The following DLG2 variants were observed in gnomAD, a reference collection of about 807,000 sequenced individuals.
The protein encoded by DLG2 is disks large homolog 2.
DLG2 carries 45 observed loss-of-function variants against 132.5 expected under a neutral mutation model. The ratio of observed to expected loss-of-function variants is 0.34; its 90% confidence interval spans 0.27 to 0.44. The LOEUF is 0.44. Ranked by LOEUF, DLG2 falls within the 20% of genes least tolerant of loss-of-function variation. The pLI, the probability that DLG2 is intolerant of heterozygous loss-of-function variation, is 1.00. For missense variants in DLG2, 1,045 were observed against 1,196.9 expected, an observed-to-expected ratio of 0.87 and a Z score of 1.87; for synonymous variants, 424 against 419.6, an observed-to-expected ratio of 1.01 and a Z score of -0.13.
chr11:85,315,552 T>G (rs1338947731), intron 3 of DLG2, among the ~76,000 whole-genome samples: 2 of 151,988 alleles, frequency 1.3e-5, no homozygotes, highest in Non-Finnish European at 2.9e-5. Context: ...TTGCTGTGCA[T>G]GCATCACACT....
chr11:84,890,284 T>G (rs1273700799), intron 6 of DLG2, among the ~76,000 whole-genome samples: 1 of 152,160 alleles, frequency 6.6e-6, no homozygotes, highest in Non-Finnish European at 1.5e-5. Context: ...GTTAGTTCCC[T>G]TCTCTTGTGC....
chr11:84,988,672 G>C (rs981049198), intron 6 of DLG2, among the ~76,000 whole-genome samples: 1 of 152,154 alleles, frequency 6.6e-6, no homozygotes, highest in Admixed American at 6.6e-5. Context: ...TAAGCTATGA[G>C]GATGCAAAGG....
At chr11:84,116,357 A>G (rs2093633055) in intron 9 of DLG2, among the ~76,000 whole-genome samples, 1 of 152,234 alleles carries the variant, frequency 6.6e-6, no homozygotes. Flanking sequence ...ATGTTTTGTT[A>G]GTCCATTCTC....
intron 8 of DLG2, among the ~76,000 whole-genome samples, chr11:84,207,762 TAAAAGA>T (rs1208805541): frequency 6.6e-6 from 1 of 152,130 alleles, no homozygotes; most frequent in Non-Finnish European, 1.5e-5. Context: ...TCACTAACCA[TAAAAGA>T]AAATTTTATA....
chr11:85,112,300 C>T (rs1349225387), intron 5 of DLG2, among the ~76,000 whole-genome samples: 2 of 152,080 alleles, frequency 1.3e-5, no homozygotes, highest in African/African-American at 4.8e-5. Flanking sequence ...ATTTGACATT[C>T]TAAACCATTT....
chr11:83,852,597 A>G (rs1472372872), intron 16 of DLG2, among the ~76,000 whole-genome samples: 11 of 152,266 alleles, frequency 7.2e-5, no homozygotes, highest in Admixed American at 7.2e-4. Flanking sequence ...CAAACATCTT[A>G]CTAACCTTTA....
intron 7 of DLG2, among the ~76,000 whole-genome samples, chr11:84,377,471 G>A (rs1163579159): frequency 6.6e-6 from 1 of 151,832 alleles, no homozygotes; most frequent in Non-Finnish European, 1.5e-5. Context: ...TTAGATAATA[G>A]TAAAGACAAA....
At chr11:84,362,946 T>C (rs1489149603) in intron 7 of DLG2, among the ~76,000 whole-genome samples, 3 of 152,214 alleles carry the variant, frequency 2.0e-5, no homozygotes, top group East Asian at 1.9e-4. Flanking sequence ...TCTTTGCTAT[T>C]GTGAATAGTG....
chr11:83,541,542 AC>A (rs1334580306), intron 20 of DLG2, 139 bp downstream of exon 20: 14 of 777,546 alleles, frequency 1.8e-5, no homozygotes, highest in Non-Finnish European at 2.5e-5. Flanking sequence ...ACCTGTCACC[AC>A]TGACAATTTT....
chr11:83,695,377 T>A (rs11820299), intron 18 of DLG2, among the ~76,000 whole-genome samples: 7,692 of 152,128 alleles, frequency 0.051, 651 homozygotes, highest in African/African-American at 0.17. Context: ...ATATATGAGG[T>A]GCTTAGCGAT....
intron 7 of DLG2, among the ~76,000 whole-genome samples, chr11:84,297,317 A>G (rs1460511749): frequency 2.0e-5 from 3 of 152,170 alleles, no homozygotes; most frequent in Non-Finnish European, 2.9e-5. Context: ...AAGGAGTGTG[A>G]ACATTGGAGT....
At chr11:83,498,739 A>G (rs1459931121) in intron 21 of DLG2, among the ~76,000 whole-genome samples, 1 of 150,446 alleles carries the variant, frequency 6.6e-6, no homozygotes, top group Non-Finnish European at 1.5e-5. Context: ...TTAAAAATTG[A>G]GAAAAATTAA....
intron 7 of DLG2, among the ~76,000 whole-genome samples, chr11:84,518,328 A>G (rs1020988300): frequency 5.3e-5 from 8 of 152,068 alleles, no homozygotes; most frequent in Admixed American, 1.3e-4. Flanking sequence ...TTGACAGAGA[A>G]ACTAAAAAAG....
intron 15 of DLG2, among the ~76,000 whole-genome samples, chr11:83,921,317 T>A (rs989614502): frequency 6.6e-6 from 1 of 152,120 alleles, no homozygotes; most frequent in African/African-American, 2.4e-5. Flanking sequence ...AATAAAATGA[T>A]AAATAAAACA....
At chr11:85,366,252 A>G (rs2084544180) in intron 3 of DLG2, among the ~76,000 whole-genome samples, 2 of 152,266 alleles carry the variant, frequency 1.3e-5, no homozygotes, top group South Asian at 4.1e-4. Context: ...TTTTCACCTT[A>G]TCTTTACAAA....
Position 83,757,086 on chromosome 11 carries a change from T to C in DLG2, c.1825+29604A>G, listed in dbSNP as rs1415935243. 2.0e-5 allele frequency among the ~76,000 whole-genome samples: 3 copies of C among 152,348 alleles called. 1 individual carries two copies. The highest frequency in any genetic ancestry group is 1.5e-5 in the Non-Finnish European group (1 of 68,028). ...GCTTAGTTTGTATATGGTTCTCTAC[T>C]AGGATTTCCTGTCTGCATTATTTTG... On this transcript the variant is annotated intron_variant, in intron 18 of 27. Coordinates refer to ENST00000376104, the MANE Select transcript of DLG2 (RefSeq NM_001142699.3).
In DLG2 at chr11:85,206,004, C is replaced by G. The variant is rs1200616507; in HGVS notation, c.187-51353G>C. On this transcript the variant is annotated intron_variant, in intron 4 of 27. Coordinates refer to ENST00000376104, the MANE Select transcript of DLG2 (RefSeq NM_001142699.3). ...CAAATCTCATGTGGAATTGTAATCCCCAGTGTTGGAGGTGGGGACGGGTGG... is the reference window on the plus strand; with the variant it reads ...CAAATCTCATGTGGAATTGTAATCCGCAGTGTTGGAGGTGGGGACGGGTGG... 3.3e-5 allele frequency among the ~76,000 whole-genome samples: 5 copies of G among 152,074 alleles called. No homozygotes were observed. In the East Asian group the frequency reaches 9.6e-4, roughly 29 times the overall value.
intron 7 of DLG2, among the ~76,000 whole-genome samples, chr11:84,375,252 T>C (rs937028937): frequency 6.6e-6 from 1 of 152,202 alleles, no homozygotes. Context: ...TATTAATCTT[T>C]GTTTAATTAG....
intron 8 of DLG2, among the ~76,000 whole-genome samples, chr11:84,227,077 T>G (rs984526453): frequency 6.6e-6 from 1 of 151,648 alleles, no homozygotes; most frequent in Non-Finnish European, 1.5e-5. Context: ...AGAGCCAGGC[T>G]CCATCTTAAA....
Sources: allele counts gnomAD v4.1 joint callset (sites outside exome capture counted in the v4.1 genomes callset), GRCh38; gene constraint gnomAD v4.1.1; transcripts MANE v1.5; gene names NCBI Gene and HGNC (gene_info 2026-07-23, HGNC 2026-07-21).